CSRNP3: variants seen among roughly 807,000 people sequenced by gnomAD.
CSRNP3 encodes cysteine and serine rich nuclear protein 3.
In CSRNP3, 12 loss-of-function variants were observed where a neutral mutation model predicts 48.0. That is an observed-to-expected ratio of 0.25 (90% CI 0.16 to 0.41). CSRNP3 has a LOEUF of 0.41. CSRNP3 is among the 10% of genes least tolerant of loss of function. The pLI is 1.00. For missense variants in CSRNP3, 580 were observed against 724.4 expected, an observed-to-expected ratio of 0.80 and a Z score of 2.29; for synonymous variants, 263 against 269.7, an observed-to-expected ratio of 0.98 and a Z score of 0.24.
At chr2:165,646,736 C>G (rs1207066481) in intron 4 of CSRNP3, among the ~76,000 whole-genome samples, 1 of 152,030 alleles carries the variant, frequency 6.6e-6, no homozygotes, top group Non-Finnish European at 1.5e-5. Context: ...TTTAATGTGT[C>G]TTTGACATCA....
chr2:165,475,718 T>C (rs1433554563), intron 1 of CSRNP3, among the ~76,000 whole-genome samples: 1 of 152,212 alleles, frequency 6.6e-6, no homozygotes, highest in Non-Finnish European at 1.5e-5. Context: ...CCTTACATTC[T>C]AAGACGGTCT....
intron 2 of CSRNP3, among the ~76,000 whole-genome samples, chr2:165,500,420 T>TACACAC (rs60600698): frequency 7.0e-6 from 1 of 142,400 alleles, no homozygotes; most frequent in Non-Finnish European, 1.5e-5. Context: ...CATATATATA[T>TACACAC]ACACACACAC....
intron 1 of CSRNP3, among the ~76,000 whole-genome samples, chr2:165,470,030 G>T (rs1169706604): frequency 1.3e-5 from 2 of 152,050 alleles, no homozygotes; most frequent in African/African-American, 2.4e-5. Context: ...TAGATAAAAT[G>T]AATCATCATG....
intron 3 of CSRNP3, among the ~76,000 whole-genome samples, chr2:165,535,104 T>G (rs1684864522): frequency 6.6e-6 from 1 of 151,844 alleles, no homozygotes; most frequent in African/African-American, 2.4e-5. Flanking sequence ...TAGTTATGTT[T>G]ACCAGCTTTT....
At chr2:165,477,859 C>G (rs1380109222) in intron 1 of CSRNP3, among the ~76,000 whole-genome samples, 1 of 152,038 alleles carries the variant, frequency 6.6e-6, no homozygotes, top group Non-Finnish European at 1.5e-5. Context: ...TGCCTTCAGT[C>G]CCAGCTACCT....
chr2:165,617,201 T>C (rs1282755760), intron 4 of CSRNP3, among the ~76,000 whole-genome samples: 1 of 152,032 alleles, frequency 6.6e-6, no homozygotes, highest in Non-Finnish European at 1.5e-5. Context: ...ACGGTTTTCG[T>C]TTGGAAGTGT....
At chr2:165,489,929 T>C (rs1684179527) in intron 1 of CSRNP3, among the ~76,000 whole-genome samples, 2 of 150,882 alleles carry the variant, frequency 1.3e-5, no homozygotes, top group Non-Finnish European at 2.9e-5. Flanking sequence ...TTCAACATAG[T>C]GTTGGAAGTT....
chr2:165,611,627 A>G (rs2105310462), intron 4 of CSRNP3, among the ~76,000 whole-genome samples: 1 of 152,256 alleles, frequency 6.6e-6, no homozygotes, highest in Non-Finnish European at 1.5e-5. Context: ...TACACTTTAC[A>G]TAAATTAACA....
At chr2:165,520,816 T>TAC (rs1684649208) in intron 3 of CSRNP3, among the ~76,000 whole-genome samples, 5 of 106,306 alleles carry the variant, frequency 4.7e-5, no homozygotes, top group African/African-American at 1.9e-4. Context: ...TATATATATA[T>TAC]ATATATATAT....
chr2:165,680,039 C>A lies in CSRNP3; in HGVS notation c.*286C>A. ...ACCTGTCAAACTGTGTGAAACCTGC[C>A]AATCTGTGTAGATCAGAGCTCCAAA... is the stretch of plus-strand genomic sequence containing the variant. On this transcript the variant is annotated 3_prime_UTR_variant, in exon 7 of 7. Transcript: ENST00000651982. 1 of 383,442 alleles carries A rather than the reference C, an allele frequency of 2.6e-6. No individual in the cohort carries two copies. 23.8% of individuals were successfully genotyped at this position (383,442 alleles called of 1,614,324 possible). A position where few individuals can be genotyped will look rare whatever the true frequency, so the allele number is the denominator to read the frequency against.
At chr2:165,560,851 T>A (rs1264475305) in intron 3 of CSRNP3, among the ~76,000 whole-genome samples, 2 of 152,216 alleles carry the variant, frequency 1.3e-5, no homozygotes, top group African/African-American at 4.8e-5. Context: ...AGATCTAATC[T>A]TTTAGTGGTA....
intron 3 of CSRNP3, among the ~76,000 whole-genome samples, chr2:165,589,173 C>G (rs907422689): frequency 6.6e-6 from 1 of 152,134 alleles, no homozygotes; most frequent in Non-Finnish European, 1.5e-5. Context: ...AATCCTCCAA[C>G]ACAGTATAAA....
chr2:165,636,575 T>C (rs1457119768), intron 4 of CSRNP3, among the ~76,000 whole-genome samples: 1 of 152,182 alleles, frequency 6.6e-6, no homozygotes, highest in East Asian at 1.9e-4. Context: ...ATTATTGCCA[T>C]GTCTAACTTT....
chr2:165,635,088 A>T (rs1404014904), intron 4 of CSRNP3, among the ~76,000 whole-genome samples: 3 of 152,126 alleles, frequency 2.0e-5, no homozygotes, highest in Non-Finnish European at 2.9e-5. Context: ...GAGGGAGCTG[A>T]TTGCTCTCCC....
intron 1 of CSRNP3, among the ~76,000 whole-genome samples, chr2:165,485,771 TAAAAG>T (rs1384590540): frequency 7.9e-5 from 12 of 152,230 alleles, no homozygotes; most frequent in Non-Finnish European, 1.6e-4. Flanking sequence ...TCTATTGAAT[TAAAAG>T]AAATATTTCT....
chr2:165,589,232 TTA>T (rs1685679104), intron 3 of CSRNP3, among the ~76,000 whole-genome samples: 1 of 152,158 alleles, frequency 6.6e-6, no homozygotes, highest in South Asian at 2.1e-4. Context: ...CACTAAATCC[TTA>T]TATTCTTTTC....
chr2:165,572,084 A>G (rs1685381588), intron 3 of CSRNP3, among the ~76,000 whole-genome samples: 1 of 152,122 alleles, frequency 6.6e-6, no homozygotes, highest in African/African-American at 2.4e-5. Context: ...TCCTTAAATT[A>G]TTATTCAACC....
chr2:165,664,447 G>C (rs528509294), intron 5 of CSRNP3, among the ~76,000 whole-genome samples: 1 of 152,302 alleles, frequency 6.6e-6, no homozygotes, highest in East Asian at 1.9e-4. Context: ...CATGTGACCC[G>C]AATTCTGCCC....
At position 165,683,403 on chromosome 2, in the gene CSRNP3, C is replaced by T. The variant is rs942047325; in HGVS notation, c.*3650C>T. 2 of 151,868 alleles carry T rather than the reference C, an allele frequency of 1.3e-5. No individual in the cohort carries two copies. Among genetic ancestry groups the T allele is most frequent in the Non-Finnish European group, 2.9e-5 (2 of 67,932 alleles). The allele number at this position is 151,868 out of a possible 1,614,324, so 9.4% of individuals were successfully genotyped here. A position where few individuals can be genotyped will look rare whatever the true frequency, so the allele number is the denominator to read the frequency against. The stretch of plus-strand genomic sequence containing the variant: ...CTATGAGTTGCAAAAACACTAGTTA[C>T]GAATTAATCAAGAAGCAAAGAGAGT... On this transcript the variant is annotated 3_prime_UTR_variant, in exon 7 of 7. Coordinates refer to ENST00000651982, the MANE Select transcript of CSRNP3 (RefSeq NM_001172173.2).
Sources: allele counts gnomAD v4.1 joint callset (sites outside exome capture counted in the v4.1 genomes callset), GRCh38; gene constraint gnomAD v4.1.1; transcripts MANE v1.5; gene names NCBI Gene and HGNC (gene_info 2026-07-23, HGNC 2026-07-21).